Variants in MLLT10 observed in about 807,000 individuals in gnomAD.
The protein encoded by MLLT10 is MLLT10 histone lysine methyltransferase DOT1L cofactor.
Under a neutral mutation model 129.1 loss-of-function variants are expected in MLLT10, and 30 were observed. The observed-to-expected ratio is 0.23, with a 90% CI of 0.17 to 0.32. The LOEUF (loss-of-function observed/expected upper bound fraction) is 0.32, where lower values mean the gene tolerates loss of function less well. Among genes scored for constraint, MLLT10 ranks in the 10% least tolerant of loss-of-function variants. The pLI, the probability that MLLT10 is intolerant of heterozygous loss-of-function variation, is 1.00. For missense variants in MLLT10, 1,119 were observed against 1,268.3 expected, an observed-to-expected ratio of 0.88 and a Z score of 1.79; for synonymous variants, 490 against 446.4, an observed-to-expected ratio of 1.10 and a Z score of -1.23.
At chr10:21,598,362 T>G (rs1403059510) in intron 5 of MLLT10, among the ~76,000 whole-genome samples, 2 of 152,200 alleles carry the variant, frequency 1.3e-5, no homozygotes, top group East Asian at 3.8e-4. Flanking sequence ...AACAGTATAA[T>G]CTAGGCTCAT....
At chr10:21,684,513 T>A (rs1296232597) in intron 13 of MLLT10, among the ~76,000 whole-genome samples, 1 of 152,188 alleles carries the variant, frequency 6.6e-6, no homozygotes, top group Non-Finnish European at 1.5e-5. Flanking sequence ...TTTAAAAAGC[T>A]TTTTTCTATT....
intron 3 of MLLT10, among the ~76,000 whole-genome samples, chr10:21,578,459 G>A (rs550170218): frequency 2.0e-5 from 3 of 152,230 alleles, no homozygotes; most frequent in Non-Finnish European, 2.9e-5. Flanking sequence ...AAAAAAGTCT[G>A]TAGGTTTGGT....
At chr10:21,614,994 T>TA (rs1489154022) in intron 7 of MLLT10, 70 bp downstream of exon 7, 13 of 1,293,016 alleles carry the variant, frequency 1.0e-5, no homozygotes, top group East Asian at 2.4e-5. Flanking sequence ...ACTGTTTTAT[T>TA]AAAAAAAGCA....
At chr10:21,547,025 A>G (rs2036194823) in intron 3 of MLLT10, among the ~76,000 whole-genome samples, 2 of 151,570 alleles carry the variant, frequency 1.3e-5, no homozygotes, top group Admixed American at 1.3e-4. Flanking sequence ...GCCCGGCCCT[A>G]ATCCTGGCTA....
chr10:21,679,553 A>G (rs2052531986), intron 11 of MLLT10, among the ~76,000 whole-genome samples: 1 of 152,192 alleles, frequency 6.6e-6, no homozygotes, highest in African/African-American at 2.4e-5. Context: ...GACCTTGAGC[A>G]GTAGGATATA....
chr10:21,682,554 A>G (rs112038181), intron 13 of MLLT10, among the ~76,000 whole-genome samples: 1 of 152,130 alleles, frequency 6.6e-6, no homozygotes, highest in Admixed American at 6.5e-5. Flanking sequence ...TTCTTTTGAG[A>G]TCTCTCTTGC....
intron 3 of MLLT10, chr10:21,556,670 T>C: frequency 6.2e-7 from 1 of 1,612,204 alleles, no homozygotes; most frequent in South Asian, 1.1e-5. Context: ...TTGGTTAGCC[T>C]CATCTGAAAA....
chr10:21,680,138 C>T (rs1438969009), intron 11 of MLLT10, among the ~76,000 whole-genome samples: 2 of 151,918 alleles, frequency 1.3e-5, no homozygotes, highest in East Asian at 1.9e-4. Flanking sequence ...TCTGCTTGTT[C>T]TTCTCGTTTG....
intron 8 of MLLT10, among the ~76,000 whole-genome samples, chr10:21,636,067 A>G (rs1050846309): frequency 1.3e-5 from 2 of 151,464 alleles, no homozygotes; most frequent in African/African-American, 4.9e-5. Context: ...GTGAAGCTAG[A>G]CTTCCTTTGA....
Position 21,636,118 on chromosome 10 carries a change from TTTG to T in MLLT10, c.700-15540_700-15538del, listed in dbSNP as rs942457642. Among the ~76,000 whole-genome samples the T allele has an allele frequency of 1.6e-4, 24 of 151,960 alleles. No individual in the cohort carries two copies. In the East Asian group the frequency reaches 2.1e-3, roughly 13 times the overall value. On this transcript the variant is annotated intron_variant, in intron 8 of 22. Coordinates refer to ENST00000307729, the MANE Select transcript of MLLT10 (RefSeq NM_001195626.3). ...CTGTATCTCTGTCTTTTGCATGGGT[TTTG>T]TTGTTGTTGTTGTTTTTGAGATAGA...
intron 4 of MLLT10, among the ~76,000 whole-genome samples, chr10:21,592,868 A>G (rs1393018212): frequency 6.6e-6 from 1 of 152,106 alleles, no homozygotes; most frequent in Non-Finnish European, 1.5e-5. Flanking sequence ...GAAAATTTTT[A>G]GGTATTATCA....
intron 8 of MLLT10, among the ~76,000 whole-genome samples, chr10:21,646,843 TGA>T (rs1391905682): frequency 6.6e-6 from 1 of 151,314 alleles, no homozygotes; most frequent in Non-Finnish European, 1.5e-5. Context: ...CCGAAATCTC[TGA>T]CTATTCCCTT....
intron 13 of MLLT10, among the ~76,000 whole-genome samples, chr10:21,709,829 C>G (rs1227031416): frequency 6.6e-6 from 1 of 152,022 alleles, no homozygotes; most frequent in East Asian, 1.9e-4. Flanking sequence ...TCTCAACCTC[C>G]CAGGCTCAAG....
chr10:21,723,732 A>C (rs1217146134), intron 14 of MLLT10, among the ~76,000 whole-genome samples: 1 of 152,138 alleles, frequency 6.6e-6, no homozygotes, highest in Non-Finnish European at 1.5e-5. Context: ...TCTCGAGATA[A>C]GACTGTTTCT....
intron 8 of MLLT10, chr10:21,626,373 C>A: frequency 1.6e-6 from 1 of 642,042 alleles, no homozygotes; most frequent in African/African-American, 1.8e-5. Flanking sequence ...CGCGTGCCAC[C>A]CCCCAAGTCT....
Position 21,595,450 on chromosome 10 carries a change from A to T in MLLT10, c.405+10A>T. 1 of 1,575,736 alleles carries T rather than the reference A, an allele frequency of 6.3e-7. No homozygotes were observed. Among genetic ancestry groups the T allele is most frequent in the Non-Finnish European group, 8.7e-7 (1 of 1,149,398 alleles). On this transcript the variant is annotated intron_variant, in intron 5 of 22. Coordinates refer to ENST00000307729, the MANE Select transcript of MLLT10 (RefSeq NM_001195626.3). ...TGATCGTTATAATAAGGTACAGTGG[A>T]TATTATTTTATTACTGTTTGAATAT...
intron 4 of MLLT10, among the ~76,000 whole-genome samples, chr10:21,595,060 A>G (rs1360376968): frequency 3.3e-5 from 5 of 152,182 alleles, no homozygotes; most frequent in Admixed American, 6.5e-5. Flanking sequence ...CTGCCTGTAT[A>G]AGAAGTGTTA....
In MLLT10 at chr10:21,721,205, A is replaced by G. The variant is rs187098077; in HGVS notation, c.1879-5039A>G. ...TATTGACAGGTTAATTGTGCATTAAAAAAAATGCTTGCTATATATAACCTG... is the reference window on the plus strand; with the variant it reads ...TATTGACAGGTTAATTGTGCATTAAGAAAAATGCTTGCTATATATAACCTG... On this transcript the variant is annotated intron_variant, in intron 14 of 22. Coordinates refer to ENST00000307729, the MANE Select transcript of MLLT10 (RefSeq NM_001195626.3). Among the ~76,000 whole-genome samples, 9 of 152,288 alleles carry G rather than the reference A, an allele frequency of 5.9e-5. No individual in the cohort carries two copies. In the East Asian group the frequency reaches 1.7e-3, roughly 29 times the overall value.
At chr10:21,705,912 G>A (rs1264135707) in intron 13 of MLLT10, among the ~76,000 whole-genome samples, 1 of 152,220 alleles carries the variant, frequency 6.6e-6, no homozygotes, top group Non-Finnish European at 1.5e-5. Context: ...GGATCTAGGA[G>A]CTCTCCCATG....
Sources: allele counts gnomAD v4.1 joint callset (sites outside exome capture counted in the v4.1 genomes callset), GRCh38; gene constraint gnomAD v4.1.1; transcripts MANE v1.5; gene names NCBI Gene and HGNC (gene_info 2026-07-23, HGNC 2026-07-21).